The following UST variants were observed in gnomAD, a reference collection of about 807,000 sequenced individuals.
UST encodes chondroitin sulfate 2-O-sulfotransferase.
UST carries 21 observed loss-of-function variants against 45.6 expected under a neutral mutation model. That is an observed-to-expected ratio of 0.46 (90% CI 0.33 to 0.66). UST has a LOEUF of 0.66. UST is among the 30% of genes least tolerant of loss of function. The pLI is 0.02. For synonymous variants in UST, 215 were observed against 200.6 expected (o/e 1.07, Z -0.61); for missense variants, 463 against 512.4 (o/e 0.90, Z 0.93).
chr6:148,796,138 C>A (rs1776944142), intron 1 of UST, among the ~76,000 whole-genome samples: 1 of 152,140 alleles, frequency 6.6e-6, no homozygotes, highest in African/African-American at 2.4e-5. Flanking sequence ...TTTGAATCCT[C>A]ATCCTCTCTA....
chr6:149,036,272 T>G (rs1031096199), intron 7 of UST, among the ~76,000 whole-genome samples: 3 of 152,202 alleles, frequency 2.0e-5, no homozygotes, highest in African/African-American at 7.2e-5. Flanking sequence ...GTACTCCATC[T>G]CTGACTCTCA....
chr6:148,880,452 T>C (rs1301196207), intron 1 of UST, among the ~76,000 whole-genome samples: 1 of 152,226 alleles, frequency 6.6e-6, no homozygotes, highest in Non-Finnish European at 1.5e-5. Context: ...GCATCTTTGC[T>C]AAAAATATTT....
At chr6:148,922,285 C>T (rs6936311) in intron 2 of UST, among the ~76,000 whole-genome samples, 5,228 of 151,838 alleles carry the variant, frequency 0.034, 219 homozygotes, top group South Asian at 0.088. Flanking sequence ...CAACCACTAG[C>T]ATACTGCCTG....
At chr6:148,914,369 G>T (rs995219473) in intron 2 of UST, among the ~76,000 whole-genome samples, 1 of 148,120 alleles carries the variant, frequency 6.8e-6, no homozygotes, top group Non-Finnish European at 1.5e-5. Context: ...GGGACCAGTT[G>T]TGTGGAAGAT....
At chr6:149,032,610 T>A (rs1250063997) in intron 7 of UST, 1 of 153,500 alleles carries the variant, frequency 6.5e-6, no homozygotes, top group African/African-American at 2.4e-5. Flanking sequence ...CTGGCCTTCT[T>A]CACTGGGAGC....
intron 1 of UST, among the ~76,000 whole-genome samples, chr6:148,877,763 G>A (rs116042290): frequency 2.3e-4 from 32 of 141,546 alleles, no homozygotes; most frequent in African/African-American, 7.6e-4. Flanking sequence ...TGAGTGTGAG[G>A]GGTCATGAAT....
chr6:148,818,086 A>G (rs1299405323), intron 1 of UST, among the ~76,000 whole-genome samples: 1 of 152,182 alleles, frequency 6.6e-6, no homozygotes, highest in Non-Finnish European at 1.5e-5. Flanking sequence ...CTTAGAACAA[A>G]TAAGACCTTC....
intron 1 of UST, among the ~76,000 whole-genome samples, chr6:148,776,224 A>G (rs1776532641): frequency 6.6e-6 from 1 of 152,224 alleles, no homozygotes; most frequent in South Asian, 2.1e-4. Context: ...CTTTTGCTTC[A>G]GACCTCCAGT....
rs529554299 is a variant in UST at position 149,067,770 on chromosome 6, C to T, written c.938-6063C>T. Among the ~76,000 whole-genome samples the T allele has an allele frequency of 3.3e-5, 5 of 152,226 alleles. No homozygotes were observed. The South Asian group carries it at 1.0e-3, about 32-fold the overall frequency. On this transcript the variant is annotated intron_variant, in intron 7 of 7. Coordinates refer to ENST00000367463, the MANE Select transcript of UST (RefSeq NM_005715.3). Reference sequence around the variant, plus strand: ...TGAAATCATAAGAGCCAGTACTTTCCAGTCATAGAGTCGATGGAGTGCACT... The same window carrying T: ...TGAAATCATAAGAGCCAGTACTTTCTAGTCATAGAGTCGATGGAGTGCACT...
At chr6:149,016,147 G>A (rs559357706) in intron 5 of UST, among the ~76,000 whole-genome samples, 33 of 152,304 alleles carry the variant, frequency 2.2e-4, no homozygotes, top group Admixed American at 8.5e-4. Flanking sequence ...GATGAATGCC[G>A]TTCATCAACC....
At chr6:148,877,783 G>A (rs998903962) in intron 1 of UST, among the ~76,000 whole-genome samples, 20 of 136,306 alleles carry the variant, frequency 1.5e-4, no homozygotes, top group African/African-American at 5.6e-4. Flanking sequence ...TGAGTGCGGG[G>A]TTGGGTATGA....
At chr6:148,837,179 T>G (rs538450043) in intron 1 of UST, among the ~76,000 whole-genome samples, 117 of 152,314 alleles carry the variant, frequency 7.7e-4, no homozygotes, top group African/African-American at 2.6e-3. Context: ...CTCCTGAATT[T>G]TGGAGCAATT....
chr6:148,852,305 G>A (rs542940908), intron 1 of UST, among the ~76,000 whole-genome samples: 143 of 152,252 alleles, frequency 9.4e-4, no homozygotes, highest in Middle Eastern at 6.8e-3. Context: ...GAATCTATCC[G>A]AAACATATGT....
chr6:148,765,164 C>G (rs1040198414), intron 1 of UST, among the ~76,000 whole-genome samples: 1 of 152,138 alleles, frequency 6.6e-6, no homozygotes, highest in African/African-American at 2.4e-5. Flanking sequence ...TTAAGGTGCC[C>G]AGATTTCATA....
intron 1 of UST, among the ~76,000 whole-genome samples, chr6:148,797,949 TA>T (rs1776983746): frequency 6.6e-6 from 1 of 152,066 alleles, no homozygotes; most frequent in Non-Finnish European, 1.5e-5. Context: ...TGTACTCCAT[TA>T]AGGGGTTGGG....
At chr6:149,049,994 TA>T (rs1776459474) in intron 7 of UST, among the ~76,000 whole-genome samples, 1 of 150,890 alleles carries the variant, frequency 6.6e-6, no homozygotes, top group Admixed American at 6.6e-5. Context: ...ACAGAAGCTA[TA>T]AAATGTGTGT....
chr6:148,874,040 T>C (rs896887442), intron 1 of UST, among the ~76,000 whole-genome samples: 28 of 152,250 alleles, frequency 1.8e-4, no homozygotes, highest in Admixed American at 7.2e-4. Flanking sequence ...AGGCTTGCCA[T>C]GTGCAGGGCT....
chr6:148,897,831 C>A (rs1036719125), intron 2 of UST, among the ~76,000 whole-genome samples: 2 of 152,176 alleles, frequency 1.3e-5, no homozygotes, highest in African/African-American at 4.8e-5. Context: ...AATTGGCAGA[C>A]CAGATACGAA....
rs11341439 is a variant in UST at position 148,947,922 on chromosome 6, G to GAAA, written c.448-5940_448-5938dup. Among the ~76,000 whole-genome samples, 42 of 146,452 alleles carry GAAA rather than the reference G, an allele frequency of 2.9e-4. 1 individual carries two copies. The highest frequency in any genetic ancestry group is 5.1e-4 in the Non-Finnish European group (34 of 66,548). ...TGAGTCCGCTAATAGAAACTTGGTG[G>GAAA]AAAAAAAAAAAAGAAAAACAAGGAA... On this transcript the variant is annotated intron_variant, in intron 3 of 7. Transcript: ENST00000367463.
Sources: gnomAD v4.1 joint callset for allele counts (sites outside exome capture counted in the v4.1 genomes callset) on GRCh38, gnomAD v4.1.1 for gene constraint, MANE v1.5 for transcripts, NCBI Gene and HGNC (gene_info 2026-07-23, HGNC 2026-07-21) for gene names.